Variants in ZNF827 observed in about 807,000 individuals in gnomAD.
ZNF827 encodes the protein zinc finger protein 827.
A neutral mutation model predicts 102.4 loss-of-function variants in ZNF827; 13 were observed. The observed-to-expected ratio is 0.13, with a 90% CI of 0.08 to 0.20. The LOEUF (loss-of-function observed/expected upper bound fraction) is 0.20. ZNF827 is among the 10% of genes least tolerant of loss of function. The probability of loss-of-function intolerance (pLI) is 1.00; values close to 1 mark genes in which losing one functional copy is unlikely to be tolerated. For synonymous variants in ZNF827, 523 were observed against 536.2 expected, an observed-to-expected ratio of 0.98 and a Z score of 0.34; for missense variants, 1,103 against 1,344.4, an observed-to-expected ratio of 0.82 and a Z score of 2.81.
At chr4:145,817,161 C>T (rs1284124743) in intron 8 of ZNF827, among the ~76,000 whole-genome samples, 1 of 152,186 alleles carries the variant, frequency 6.6e-6, no homozygotes, top group African/African-American at 2.4e-5. Flanking sequence ...CCCTTCTCAT[C>T]CCCATCCCAG....
Position 145,761,158 on chromosome 4 carries a change from C to T in ZNF827, c.*458G>A, listed in dbSNP as rs774606796. ...GCCGGCCGGTTCCTTGGGGGCTGGA[C>T]ACAGGCCCTTCTTGTCCTCCTCGGG... is the stretch of plus-strand genomic sequence containing the variant. On this transcript the variant is annotated 3_prime_UTR_variant, in exon 15 of 15. Transcript: ENST00000508784. The surrounding 1 kb of genome is among the most constrained non-coding windows in gnomAD (Gnocchi z 6.8). 186 of 1,289,850 alleles carry T rather than the reference C, an allele frequency of 1.4e-4. No homozygotes were observed. The highest frequency in any genetic ancestry group is 1.8e-4 in the Non-Finnish European group (182 of 988,874). The allele number at this position is 1,289,850 out of a possible 1,614,324, so 79.9% of individuals were successfully genotyped here. A position where few individuals can be genotyped will look rare whatever the true frequency, so the allele number is the denominator to read the frequency against.
At position 145,762,070 on chromosome 4, in the gene ZNF827, T is replaced by C. The variant is rs1734602540; in HGVS notation, c.*18-472A>G. On this transcript the variant is annotated intron_variant, in intron 14 of 14. Coordinates refer to ENST00000508784, the MANE Select transcript of ZNF827 (RefSeq NM_001306215.2). This position sits in a 1 kb window ranked among gnomAD's most constrained non-coding sequence, Gnocchi z 4.9. ...GCACACGCAGAAAGGCTAAGAGGTT[T>C]TAAAGAACAGCTTATAGGGGGAGCG... Among the ~76,000 whole-genome samples the C allele has an allele frequency of 6.6e-6, 1 of 152,130 alleles. No homozygotes were observed. Among genetic ancestry groups the C allele is most frequent in the Non-Finnish European group, 1.5e-5 (1 of 68,028 alleles).
chr4:145,921,470 C>G (rs1403190699), intron 1 of ZNF827, among the ~76,000 whole-genome samples: 5 of 54,124 alleles, frequency 9.2e-5, no homozygotes, highest in Admixed American at 2.3e-4. Flanking sequence ...GAGACTCAGG[C>G]AAAAAAAAAA....
At chr4:145,770,856 A>C (rs1736177178) in intron 11 of ZNF827, 1 of 152,210 alleles carries the variant, frequency 6.6e-6, no homozygotes, top group African/African-American at 2.4e-5. Context: ...ATTACATTTT[A>C]AGCCTCTTGG....
chr4:145,822,025 C>G (rs1743190307), intron 8 of ZNF827, among the ~76,000 whole-genome samples: 1 of 152,174 alleles, frequency 6.6e-6, no homozygotes, highest in Non-Finnish European at 1.5e-5. Flanking sequence ...AACTTAACAG[C>G]AGGGCAATAA....
chr4:145,934,719 C>T (rs1182032503), intron 1 of ZNF827, among the ~76,000 whole-genome samples: 1 of 152,170 alleles, frequency 6.6e-6, no homozygotes, highest in Non-Finnish European at 1.5e-5. Context: ...TTTGTAGATC[C>T]AGACTGTGTC....
At chr4:145,835,431 A>G (rs1402477124) in intron 7 of ZNF827, 2 of 148,142 alleles carry the variant, frequency 1.4e-5, no homozygotes, top group African/African-American at 2.6e-5. Context: ...AAACTCCCCA[A>G]CTCTGGTGCC....
chr4:145,835,368 C>T (rs1007371307), intron 7 of ZNF827: 11 of 152,044 alleles, frequency 7.2e-5, no homozygotes, highest in African/African-American at 2.7e-4. Flanking sequence ...GGCCTGTTTC[C>T]CTTGCCTCCA....
intron 1 of ZNF827, among the ~76,000 whole-genome samples, chr4:145,914,769 C>A (rs1013684931): frequency 1.3e-5 from 2 of 152,218 alleles, no homozygotes; most frequent in African/African-American, 4.8e-5. Context: ...TTTGAAGAAT[C>A]CTGAAGGTGT....
intron 4 of ZNF827, among the ~76,000 whole-genome samples, chr4:145,873,292 ATAGT>A (rs1416287202): frequency 2.6e-5 from 4 of 152,238 alleles, no homozygotes; most frequent in Non-Finnish European, 4.4e-5. Context: ...TGCCTGGTAC[ATAGT>A]TAGTGATCAA....
At chr4:145,874,611 C>G (rs1024132435) in intron 4 of ZNF827, among the ~76,000 whole-genome samples, 1 of 152,134 alleles carries the variant, frequency 6.6e-6, no homozygotes, top group Admixed American at 6.5e-5. Flanking sequence ...AAGATGTTTT[C>G]TTTTTCTTTG....
At chr4:145,923,441 T>C (rs1489699073) in intron 1 of ZNF827, among the ~76,000 whole-genome samples, 2 of 141,326 alleles carry the variant, frequency 1.4e-5, no homozygotes, top group Non-Finnish European at 3.2e-5. Flanking sequence ...CCCATCTCTA[T>C]TACAAATGTA....
At chr4:145,837,467 GC>G (rs899502187) in intron 7 of ZNF827, among the ~76,000 whole-genome samples, 2 of 141,664 alleles carry the variant, frequency 1.4e-5, no homozygotes, top group African/African-American at 5.1e-5. Flanking sequence ...CTTAGACTGT[GC>G]CCCCCACCAA....
At chr4:145,910,519 A>G (rs1752207113) in intron 1 of ZNF827, among the ~76,000 whole-genome samples, 1 of 152,126 alleles carries the variant, frequency 6.6e-6, no homozygotes. Context: ...CAGAGGTACC[A>G]AATCTGGCCA....
intron 7 of ZNF827, among the ~76,000 whole-genome samples, chr4:145,830,095 G>A (rs1009892737): frequency 6.6e-6 from 1 of 152,130 alleles, no homozygotes; most frequent in Non-Finnish European, 1.5e-5. Flanking sequence ...TGAATATGTG[G>A]AATATGCATG....
At chr4:145,795,374 C>T (rs1261870398) in intron 8 of ZNF827, among the ~76,000 whole-genome samples, 1 of 152,206 alleles carries the variant, frequency 6.6e-6, no homozygotes, top group African/African-American at 2.4e-5. Flanking sequence ...TCTCGAACTC[C>T]TGCCCTCAAG....
chr4:145,769,442 A>G (rs1173889114), intron 11 of ZNF827, among the ~76,000 whole-genome samples: 3 of 152,230 alleles, frequency 2.0e-5, no homozygotes, highest in Non-Finnish European at 4.4e-5. Flanking sequence ...CATTTTTAGA[A>G]TTAAAACATA....
rs561845834 is a variant in ZNF827 at position 145,781,233 on chromosome 4, A to G, written c.2384-1722T>C. Among the ~76,000 whole-genome samples, 26 of 150,444 alleles carry G rather than the reference A, an allele frequency of 1.7e-4. No individual in the cohort carries two copies. In the East Asian group the frequency reaches 4.8e-3, roughly 28 times the overall value. On this transcript the variant is annotated intron_variant, in intron 8 of 14. Transcript: ENST00000508784. The stretch of plus-strand genomic sequence containing the variant: ...AAAAAAAAAAGAAAAAAAAAGAAAA[A>G]AAAAAAAAGAAAATGCTCACAACAT...
At chr4:145,827,365 A>G (rs1743792681) in intron 7 of ZNF827, among the ~76,000 whole-genome samples, 1 of 152,218 alleles carries the variant, frequency 6.6e-6, no homozygotes, top group Non-Finnish European at 1.5e-5. Flanking sequence ...GTACTGAAGG[A>G]AGCTGAAAGA....
Sources: allele counts gnomAD v4.1 joint callset (sites outside exome capture counted in the v4.1 genomes callset), GRCh38; gene constraint gnomAD v4.1.1; non-coding constraint Gnocchi (gnomAD v3.1); transcripts MANE v1.5; gene names NCBI Gene and HGNC (gene_info 2026-07-23, HGNC 2026-07-21).